The following C16orf74 variants were observed in gnomAD, a reference collection of about 807,000 sequenced individuals.
C16orf74 encodes uncharacterized protein C16orf74.
Under a neutral mutation model 6.5 loss-of-function variants are expected in C16orf74, and 10 were observed. The observed-to-expected ratio is 1.54, with a 90% CI of 0.95 to 2.61. The LOEUF (loss-of-function observed/expected upper bound fraction) is 2.61, where lower values mean the gene tolerates loss of function less well. Ranked by LOEUF, C16orf74 falls within the 30% of genes most tolerant of loss-of-function variation. C16orf74 has a pLI of 0.00. For synonymous variants in C16orf74, 60 were observed against 42.5 expected, an observed-to-expected ratio of 1.41 and a Z score of -1.60; for missense variants, 141 against 105.9, an observed-to-expected ratio of 1.33 and a Z score of -1.45.
At chr16:85,710,530 A>G (rs2053959400) in intron 2 of C16orf74, 1 of 500,648 alleles carries the variant, frequency 2.0e-6, no homozygotes, top group Non-Finnish European at 3.5e-6. Flanking sequence ...GTCGGGAAAC[A>G]GATTTTGGGA....
chr16:85,714,953 G>A lies in C16orf74; in HGVS notation c.29-4646C>T, dbSNP rs548637512. Among the ~76,000 whole-genome samples the A allele has an allele frequency of 2.2e-3, 333 of 150,416 alleles. 1 individual carries two copies. The highest frequency in any genetic ancestry group is 2.9e-3 in the Non-Finnish European group (197 of 67,500). ...GGGCGGATCATGAGGTCAGGAGATC[G>A]AGACCATCCTGGCTAACACAATGAA... On this transcript the variant is annotated intron_variant, in intron 2 of 3. Transcript: ENST00000284245.
intron 1 of C16orf74, among the ~76,000 whole-genome samples, chr16:85,741,145 A>C (rs2054302592): frequency 1.3e-5 from 2 of 152,194 alleles, no homozygotes; most frequent in Admixed American, 6.5e-5. Flanking sequence ...TGGCCTCCCC[A>C]CCATGGTCTC....
intron 2 of C16orf74, among the ~76,000 whole-genome samples, chr16:85,726,494 G>A (rs958495149): frequency 6.6e-5 from 10 of 152,166 alleles, no homozygotes; most frequent in African/African-American, 2.4e-4. Flanking sequence ...CGGTGGCAAT[G>A]GCAGGCAGTG....
intron 2 of C16orf74, among the ~76,000 whole-genome samples, chr16:85,730,330 G>A (rs1198792394): frequency 6.6e-6 from 1 of 152,122 alleles, no homozygotes; most frequent in African/African-American, 2.4e-5. Flanking sequence ...GACTGTAGCT[G>A]GTCACTTCCT....
intron 1 of C16orf74, chr16:85,743,555 T>G (rs1443759951): frequency 1.3e-5 from 2 of 152,186 alleles, no homozygotes; most frequent in African/African-American, 4.8e-5. Context: ...GTTGCAGTGT[T>G]CTATTCCACA....
At chr16:85,740,664 C>A (rs1423894087) in intron 1 of C16orf74, among the ~76,000 whole-genome samples, 4 of 146,118 alleles carry the variant, frequency 2.7e-5, no homozygotes, top group Admixed American at 7.0e-5. Flanking sequence ...TGCACTCCAG[C>A]GTGGGGCACA....
intron 2 of C16orf74, among the ~76,000 whole-genome samples, chr16:85,726,854 C>G (rs913785902): frequency 2.0e-5 from 3 of 152,166 alleles, no homozygotes; most frequent in Admixed American, 2.0e-4. Context: ...GCACGCCAGG[C>G]TGCTGCTTGC....
At chr16:85,733,277 C>T (rs1189210760) in intron 2 of C16orf74, among the ~76,000 whole-genome samples, 1 of 152,216 alleles carries the variant, frequency 6.6e-6, no homozygotes, top group Non-Finnish European at 1.5e-5. Flanking sequence ...GAAAACACCA[C>T]ACTGAGTGAC....
At chr16:85,717,917 A>T (rs2054041175) in intron 2 of C16orf74, among the ~76,000 whole-genome samples, 1 of 152,122 alleles carries the variant, frequency 6.6e-6, no homozygotes, top group Non-Finnish European at 1.5e-5. Flanking sequence ...GAGACGCTAC[A>T]TCCAGGCTCT....
intron 1 of C16orf74, among the ~76,000 whole-genome samples, chr16:85,740,262 A>C (rs949154657): frequency 2.7e-5 from 4 of 150,830 alleles, no homozygotes; most frequent in Admixed American, 2.7e-4. Flanking sequence ...CTTAGAAAAT[A>C]TACACTGATG....
Position 85,710,179 on chromosome 16 carries a change from C to T in C16orf74, c.157G>A (p.Asp53Asn). The T allele has an allele frequency of 2.0e-6, 3 of 1,465,630 alleles. No homozygotes were observed. The highest frequency in any genetic ancestry group is 1.8e-6 in the Non-Finnish European group (2 of 1,118,414). The allele number at this position is 1,465,630 out of a possible 1,614,324, so 90.8% of individuals were successfully genotyped here. A position where few individuals can be genotyped will look rare whatever the true frequency, so the allele number is the denominator to read the frequency against. Reference sequence around the variant, plus strand: ...ACGGCCTCACCTGTGCTCCCCAAGTCCCTCGGCAGCATCATGCCCGTGGGG... The same window carrying T: ...ACGGCCTCACCTGTGCTCCCCAAGTTCCTCGGCAGCATCATGCCCGTGGGG... ...PTPTGMMLPR[D>N]LGSTVWLDET... The change falls in exon 3 of 4, where the codon GAC (aspartate) becomes AAC (asparagine). Residue 53 changes from aspartate to asparagine, a missense_variant. Asp to Asn is a conservative substitution (Grantham distance 23). Transcript: ENST00000284245.
rs532458320 is a variant in C16orf74 at position 85,717,499 on chromosome 16, T to A, written c.29-7192A>T. On this transcript the variant is annotated intron_variant, in intron 2 of 3. Coordinates refer to ENST00000284245, the MANE Select transcript of C16orf74 (RefSeq NM_206967.3). Reference sequence around the variant, plus strand: ...CTGTAAAACTGTTATGACACCAGCCTTGCAGGAAGTGCCAGGTGTGGGGTG... The same window carrying A: ...CTGTAAAACTGTTATGACACCAGCCATGCAGGAAGTGCCAGGTGTGGGGTG... 1.1e-4 allele frequency among the ~76,000 whole-genome samples: 17 copies of A among 152,286 alleles called. No homozygotes were observed. The East Asian group carries it at 3.3e-3, about 29-fold the overall frequency.
intron 1 of C16orf74, among the ~76,000 whole-genome samples, chr16:85,736,918 CTTGTAA>C (rs2054251329): frequency 2.0e-5 from 3 of 152,074 alleles, no homozygotes; most frequent in Admixed American, 2.0e-4. Flanking sequence ...GTGGTGGGTG[CTTGTAA>C]TACCGGCTAC....
At chr16:85,745,105 C>A (rs1008455143) in intron 1 of C16orf74, among the ~76,000 whole-genome samples, 2 of 136,716 alleles carry the variant, frequency 1.5e-5, no homozygotes, top group Non-Finnish European at 3.0e-5. Context: ...TCCACCATTG[C>A]ACTCCAGCCT....
chr16:85,725,752 T>C (rs1389573106), intron 2 of C16orf74, among the ~76,000 whole-genome samples: 1 of 152,124 alleles, frequency 6.6e-6, no homozygotes, highest in Non-Finnish European at 1.5e-5. Flanking sequence ...TACAGGCGCA[T>C]GCTACCACAC....
intron 2 of C16orf74, among the ~76,000 whole-genome samples, chr16:85,714,484 A>C (rs927807732): frequency 1.3e-5 from 2 of 151,732 alleles, no homozygotes; most frequent in Non-Finnish European, 2.9e-5. Flanking sequence ...CAGTAGCGTG[A>C]TCTCGACTCA....
At chr16:85,726,899 A>C (rs2054139508) in intron 2 of C16orf74, among the ~76,000 whole-genome samples, 1 of 152,072 alleles carries the variant, frequency 6.6e-6, no homozygotes, top group Non-Finnish European at 1.5e-5. Context: ...CTGCTACCGG[A>C]AACAGCCACC....
intron 1 of C16orf74, chr16:85,741,844 G>C (rs551718885): frequency 1.2e-5 from 2 of 162,006 alleles, no homozygotes; most frequent in African/African-American, 4.8e-5. Context: ...ACAGGGCCTG[G>C]GACAGAGTTG....
rs1314457386 is a variant in C16orf74, at chr16:85,740,211, C to CAAAAAAA, written c.-18-4983_-18-4977dup. Among the ~76,000 whole-genome samples the CAAAAAAA allele has an allele frequency of 6.5e-4, 39 of 60,156 alleles. 1 individual carries two copies. Among genetic ancestry groups the CAAAAAAA allele is most frequent in the Middle Eastern group, 0.019 (1 of 52 alleles). The allele number at this position is 60,156 out of a possible 152,430, so 39.5% of individuals were successfully genotyped here. A position where few individuals can be genotyped will look rare whatever the true frequency, so the allele number is the denominator to read the frequency against. On this transcript the variant is annotated intron_variant, in intron 1 of 3. Coordinates refer to ENST00000284245, the MANE Select transcript of C16orf74 (RefSeq NM_206967.3). ...GGGCGACAAGAACGAGACTTTGTCT[C>CAAAAAAA]AAAAAAAAAAAAAAAAAAAGAAAAA... is the stretch of plus-strand genomic sequence containing the variant.
Sources: gnomAD v4.1 joint callset for allele counts (sites outside exome capture counted in the v4.1 genomes callset) on GRCh38, gnomAD v4.1.1 for gene constraint, MANE v1.5 for transcripts, NCBI Gene and HGNC (gene_info 2026-07-23, HGNC 2026-07-21) for gene names.